The following CDR2 variants were observed in gnomAD, a reference collection of about 807,000 sequenced individuals.
The protein encoded by CDR2 is cerebellar degeneration-related protein 2.
In CDR2, 34 loss-of-function variants were observed where a neutral mutation model predicts 48.4. The ratio of observed to expected loss-of-function variants is 0.70; its 90% CI spans 0.53 to 0.94. CDR2 has a LOEUF of 0.94. Among genes scored for constraint, CDR2 ranks in the 40% least tolerant of loss-of-function variants. CDR2 has a pLI of 0.00. For missense variants in CDR2, 498 were observed against 549.5 expected (o/e 0.91, Z 0.94); for synonymous variants, 240 against 219.7 (o/e 1.09, Z -0.82).
intron 2 of CDR2, among the ~76,000 whole-genome samples, chr16:22,354,768 C>G (rs1335377321): frequency 5.3e-5 from 8 of 152,014 alleles, no homozygotes; most frequent in Admixed American, 3.9e-4. Flanking sequence ...GTGGCACACG[C>G]CTGTAGTCCC....
At chr16:22,369,185 C>A (rs1264044145) in intron 1 of CDR2, 1 of 152,144 alleles carries the variant, frequency 6.6e-6, no homozygotes, top group African/African-American at 2.4e-5. Flanking sequence ...GTGGCTCACA[C>A]CTGTAATCTC....
Position 22,347,612 on chromosome 16 carries a change from T to C in CDR2, c.718A>G (p.Thr240Ala), listed in dbSNP as rs1211202748. Reference protein sequence around the residue: ...NSELEQQLGATGAYRARALEL... With the variant: ...NSELEQQLGAAGAYRARALEL... ...AGCGCCCGTGCTCGGTAGGCACCTG[T>C]GGCCCCCAGCTGCTGCTCCAGTTCA... Residue 240 changes from threonine to alanine, a missense_variant, in exon 5 of 5, where the codon ACA becomes GCA. Thr to Ala is a moderately conservative substitution (Grantham distance 58). Coordinates refer to ENST00000268383, the MANE Select transcript of CDR2 (RefSeq NM_001802.2). 2.5e-6 allele frequency: 4 copies of C among 1,614,192 alleles called. No homozygotes were observed. The highest frequency in any genetic ancestry group is 1.7e-5 in the Admixed American group (1 of 60,028).
chr16:22,351,170 T>C lies in CDR2; in HGVS notation c.193-1321A>G, dbSNP rs561535080. 2.5e-3 allele frequency among the ~76,000 whole-genome samples: 376 copies of C among 152,342 alleles called. 1 individual carries two copies. Among genetic ancestry groups the C allele is most frequent in the Non-Finnish European group, 4.6e-3 (312 of 68,032 alleles). On this transcript the variant is annotated intron_variant, in intron 2 of 4. Transcript: ENST00000268383. Reference sequence around the variant, plus strand: ...GAATGATGGTTTCCGGCTTCATCCATGTCCCTGCAAAGGACATGAACTCAT... The same window carrying C: ...GAATGATGGTTTCCGGCTTCATCCACGTCCCTGCAAAGGACATGAACTCAT...
At chr16:22,365,075 C>G (rs2049036581) in intron 1 of CDR2, 61 bp from the exon 2 acceptor site, 5 of 1,077,728 alleles carry the variant, frequency 4.6e-6, no homozygotes, top group African/African-American at 1.5e-5. Context: ...ATTTATATAA[C>G]CCAGTCCTTC....
intron 2 of CDR2, among the ~76,000 whole-genome samples, chr16:22,364,603 C>G (rs2049032797): frequency 6.6e-6 from 1 of 152,110 alleles, no homozygotes; most frequent in Non-Finnish European, 1.5e-5. Context: ...TGGCCCATGC[C>G]TGTAATCCCA....
At chr16:22,360,739 C>CTTTTTTTTT (rs201976962) in intron 2 of CDR2, among the ~76,000 whole-genome samples, 3 of 74,128 alleles carry the variant, frequency 4.0e-5, no homozygotes, top group Non-Finnish European at 5.7e-5. Flanking sequence ...AAAAAATGAT[C>CTTTTTTTTT]TTTTTTTTTT....
In CDR2 at chr16:22,346,161, G is replaced by A. The variant is rs1224290587; in HGVS notation, c.*804C>T. On this transcript the variant is annotated 3_prime_UTR_variant, in exon 5 of 5. Transcript: ENST00000268383. The stretch of plus-strand genomic sequence containing the variant: ...CAGCTTGTGGCTGGCAAGTCAGCCA[G>A]CTCAGAAAACAGGTAGGAAGGGAAG... 3 of 152,430 alleles carry A rather than the reference G, an allele frequency of 2.0e-5. No homozygotes were observed. Among genetic ancestry groups the A allele is most frequent in the African/African-American group, 7.2e-5 (3 of 41,470 alleles). 9.4% of individuals were successfully genotyped at this position (152,430 alleles called of 1,614,324 possible). A position where few individuals can be genotyped will look rare whatever the true frequency, so the allele number is the denominator to read the frequency against.
At chr16:22,363,005 T>G (rs1598295182) in intron 2 of CDR2, among the ~76,000 whole-genome samples, 1 of 150,538 alleles carries the variant, frequency 6.6e-6, no homozygotes, top group African/African-American at 2.4e-5. Context: ...TAGGCTGGAG[T>G]GCAACTGCAC....
rs1330212577 is a variant in CDR2, at chr16:22,374,405, C to T, written c.-96G>A. The T allele has an allele frequency of 1.0e-5, 7 of 701,030 alleles. No individual in the cohort carries two copies. The highest frequency in any genetic ancestry group is 1.3e-5 in the Non-Finnish European group (6 of 466,874). 43.4% of individuals were successfully genotyped at this position (701,030 alleles called of 1,614,324 possible). A position where few individuals can be genotyped will look rare whatever the true frequency, so the allele number is the denominator to read the frequency against. ...CCGGCCCCTCCGCCCTCAGCCAGAG[C>T]CGCCCTCGGGCGGGACGCGCCGCCG... On this transcript the variant is annotated 5_prime_UTR_variant, in exon 1 of 5. Transcript: ENST00000268383.
chr16:22,371,405 G>T (rs2049074899), intron 1 of CDR2, among the ~76,000 whole-genome samples: 1 of 152,154 alleles, frequency 6.6e-6, no homozygotes, highest in Non-Finnish European at 1.5e-5. Flanking sequence ...CAATGTACGA[G>T]GCGCTGTAGT....
chr16:22,364,387 T>G (rs2049031267), intron 2 of CDR2, among the ~76,000 whole-genome samples: 1 of 152,146 alleles, frequency 6.6e-6, no homozygotes, highest in African/African-American at 2.4e-5. Context: ...ATGATTTTTT[T>G]TTTTCAAATT....
intron 1 of CDR2, among the ~76,000 whole-genome samples, chr16:22,372,263 C>A (rs2049083676): frequency 6.6e-6 from 1 of 152,176 alleles, no homozygotes; most frequent in Non-Finnish European, 1.5e-5. Flanking sequence ...TGACACGTTG[C>A]ACTTGCTGCT....
At chr16:22,369,321 C>T (rs1264759224) in intron 1 of CDR2, among the ~76,000 whole-genome samples, 1 of 151,286 alleles carries the variant, frequency 6.6e-6, no homozygotes, top group African/African-American at 2.4e-5. Context: ...CAAAACCCAA[C>T]TGGGCTGAAA....
intron 2 of CDR2, among the ~76,000 whole-genome samples, chr16:22,359,802 T>G (rs1249989735): frequency 6.6e-6 from 1 of 152,224 alleles, no homozygotes. Context: ...TAGAAGAGCT[T>G]TGTAAGCTGT....
At chr16:22,370,055 G>C (rs575782263) in intron 1 of CDR2, among the ~76,000 whole-genome samples, 1 of 152,132 alleles carries the variant, frequency 6.6e-6, no homozygotes, top group Non-Finnish European at 1.5e-5. Context: ...TCACTAATGA[G>C]TCTTTGCAGG....
In CDR2 at chr16:22,374,416, C is replaced by A; in HGVS notation, c.-107G>T. ...GCCCTCAGCCAGAGCCGCCCTCGGG[C>A]GGGACGCGCCGCCGCCCAGACTCCG... On this transcript the variant is annotated 5_prime_UTR_variant, in exon 1 of 5. Coordinates refer to ENST00000268383, the MANE Select transcript of CDR2 (RefSeq NM_001802.2). 1 of 533,666 alleles carries A rather than the reference C, an allele frequency of 1.9e-6. No individual in the cohort carries two copies. Among genetic ancestry groups the A allele is most frequent in the Non-Finnish European group, 2.9e-6 (1 of 343,212 alleles). 33.1% of individuals were successfully genotyped at this position (533,666 alleles called of 1,614,324 possible). A position where few individuals can be genotyped will look rare whatever the true frequency, so the allele number is the denominator to read the frequency against.
rs1413212223 is a variant in CDR2, at chr16:22,346,956, G to A, written c.*9C>T. On this transcript the variant is annotated 3_prime_UTR_variant, in exon 5 of 5. Coordinates refer to ENST00000268383, the MANE Select transcript of CDR2 (RefSeq NM_001802.2). ...AATAGGCAAATTAGTAGTAGAGCTA[G>A]AGGTTCAATTAAGAATGAGAGGAGA... 3.1e-6 allele frequency: 5 copies of A among 1,603,426 alleles called. No individual in the cohort carries two copies. The African/African-American group carries it at 5.4e-5, about 17-fold the overall frequency.
At chr16:22,370,275 G>A (rs1404448409) in intron 1 of CDR2, among the ~76,000 whole-genome samples, 1 of 152,148 alleles carries the variant, frequency 6.6e-6, no homozygotes, top group Non-Finnish European at 1.5e-5. Flanking sequence ...AATTGGGAAA[G>A]CAGAAAACCT....
At position 22,364,908 on chromosome 16, in the gene CDR2, T is replaced by A; in HGVS notation, c.186A>T (p.Glu62Asp). The change falls in exon 2 of 5, where the codon GAA (glutamate) becomes GAT (aspartate). Residue 62 changes from glutamate to aspartate, a missense_variant. Physicochemically the swap from Glu to Asp is conservative, Grantham distance 45. Transcript: ENST00000268383. ...MYTTNQEQLQEIEYLTKQVEL... is the reference protein window; with the variant it reads ...MYTTNQEQLQDIEYLTKQVEL... ...CTCCTGCCAAGTGAATTACCTCAAT[T>A]TCCTGTAACTGCTCCTGATTGGTTG... The A allele has an allele frequency of 6.3e-7, 1 of 1,595,696 alleles. No homozygotes were observed. Among genetic ancestry groups the A allele is most frequent in the Non-Finnish European group, 8.6e-7 (1 of 1,163,348 alleles).
Sources: allele counts gnomAD v4.1 joint callset (sites outside exome capture counted in the v4.1 genomes callset), GRCh38; gene constraint gnomAD v4.1.1; transcripts MANE v1.5; gene names NCBI Gene and HGNC (gene_info 2026-07-23, HGNC 2026-07-21).